GPHN: variants seen among roughly 807,000 people sequenced by gnomAD.
The protein encoded by GPHN is gephyrin.
Under a neutral mutation model 95.5 loss-of-function variants are expected in GPHN, and 17 were observed. The observed-to-expected ratio is 0.18, with a 90% CI of 0.12 to 0.27. GPHN has a LOEUF of 0.27. GPHN is among the 10% of genes least tolerant of loss of function. The pLI is 1.00. For synonymous variants in GPHN, 320 were observed against 322.5 expected (o/e 0.99, Z 0.08); for missense variants, 660 against 978.1 (o/e 0.67, Z 4.34).
chr14:66,615,873 A>C (rs1051495127), intron 1 of GPHN, among the ~76,000 whole-genome samples: 1 of 151,712 alleles, frequency 6.6e-6, no homozygotes, highest in African/African-American at 2.4e-5. Context: ...TTAAGTCTTT[A>C]ATCCATCTTG....
the GPHN span, among the ~76,000 whole-genome samples, chr14:67,273,749 AGT>A: frequency 1.3e-5 from 2 of 152,226 alleles, no homozygotes; most frequent in Non-Finnish European, 2.9e-5. Flanking sequence ...ACAGTGTAAA[AGT>A]GTTCCTGTTT....
intron 8 of GPHN, among the ~76,000 whole-genome samples, chr14:66,933,507 G>T (rs1032123391): frequency 2.6e-5 from 4 of 152,142 alleles, no homozygotes; most frequent in Non-Finnish European, 4.4e-5. Context: ...CCCTCAGCTG[G>T]TCACAATCTG....
At chr14:66,928,111 G>T (rs1053382508) in intron 8 of GPHN, among the ~76,000 whole-genome samples, 4 of 152,088 alleles carry the variant, frequency 2.6e-5, no homozygotes, top group African/African-American at 4.8e-5. Context: ...AGTAGGATTG[G>T]TATCGGTTCT....
chr14:66,688,366 TGGAAAAAA>T (rs2067537782), intron 2 of GPHN, among the ~76,000 whole-genome samples: 1 of 152,174 alleles, frequency 6.6e-6, no homozygotes, highest in Admixed American at 6.6e-5. Context: ...GTAACATTTA[TGGAAAAAA>T]GTCTGCATGC....
the GPHN span, among the ~76,000 whole-genome samples, chr14:67,703,325 T>A: frequency 7.2e-5 from 11 of 152,372 alleles, no homozygotes; most frequent in East Asian, 1.5e-3. Context: ...AGTTTTATTT[T>A]AAAAATCTTT....
chr14:67,595,391 G>A, the GPHN span, among the ~76,000 whole-genome samples: 4 of 152,132 alleles, frequency 2.6e-5, no homozygotes, highest in African/African-American at 9.7e-5. Context: ...TCAAACCATC[G>A]TAAGTTGGGA....
At chr14:67,115,343 G>A (rs1049945335) in intron 16 of GPHN, among the ~76,000 whole-genome samples, 2 of 152,038 alleles carry the variant, frequency 1.3e-5, no homozygotes, top group African/African-American at 4.8e-5. Context: ...TATTTTCAGA[G>A]AGGGCAAAAG....
At chr14:67,674,536 G>A in the GPHN span, 1 of 1,510,622 alleles carries the variant, frequency 6.6e-7, no homozygotes, top group Non-Finnish European at 8.9e-7. Flanking sequence ...CGGGGCCCTG[G>A]GCCCTTTCCT....
chr14:67,363,768 G>A, the GPHN span, among the ~76,000 whole-genome samples: 1 of 152,148 alleles, frequency 6.6e-6, no homozygotes, highest in Non-Finnish European at 1.5e-5. Flanking sequence ...ATAGGCAGGT[G>A]CCAATTAATA....
the GPHN span, among the ~76,000 whole-genome samples, chr14:67,441,330 G>A: frequency 6.6e-6 from 1 of 152,148 alleles, no homozygotes. Flanking sequence ...GTGACAGACA[G>A]CAGAGGTAAA....
chr14:67,473,573 G>C, the GPHN span: 2 of 1,612,454 alleles, frequency 1.2e-6, no homozygotes, highest in Non-Finnish European at 1.7e-6. This position sits in a 1 kb window ranked among gnomAD's most constrained non-coding sequence, Gnocchi z 6.5. Context: ...CGTACTCCAG[G>C]GTGATGAGGC....
intron 1 of GPHN, among the ~76,000 whole-genome samples, chr14:66,571,715 G>A (rs1228277641): frequency 6.6e-6 from 1 of 152,114 alleles, no homozygotes; most frequent in Non-Finnish European, 1.5e-5. Context: ...GGAGGCTGAG[G>A]CAGGAGAATC....
chr14:66,986,543 C>T (rs909302375), intron 9 of GPHN, among the ~76,000 whole-genome samples: 7 of 152,098 alleles, frequency 4.6e-5, no homozygotes, highest in African/African-American at 7.2e-5. Flanking sequence ...AGTTATCACT[C>T]TTATGAAACA....
intron 2 of GPHN, among the ~76,000 whole-genome samples, chr14:66,709,974 A>G (rs1440140162): frequency 6.6e-6 from 1 of 152,086 alleles, no homozygotes; most frequent in East Asian, 1.9e-4. Context: ...ATGAGTGTCC[A>G]CTGCATTAGT....
intron 2 of GPHN, among the ~76,000 whole-genome samples, chr14:66,687,608 G>C (rs145631096): frequency 2.0e-5 from 3 of 150,182 alleles, no homozygotes; most frequent in African/African-American, 7.4e-5. Context: ...TCCTGCCTCA[G>C]CCTCTTGAGT....
the GPHN span, chr14:67,390,730 T>C: frequency 6.2e-7 from 1 of 1,612,916 alleles, no homozygotes; most frequent in East Asian, 2.2e-5. Context: ...CACCTTCCAG[T>C]TTTTCCTCTT....
At chr14:67,299,313 A>T in the GPHN span, among the ~76,000 whole-genome samples, 1 of 152,024 alleles carries the variant, frequency 6.6e-6, no homozygotes, top group Non-Finnish European at 1.5e-5. Flanking sequence ...CAAGGTGAAT[A>T]TTTTGGTAAA....
chr14:67,478,684 C>T, the GPHN span, among the ~76,000 whole-genome samples: 1 of 152,206 alleles, frequency 6.6e-6, no homozygotes, highest in South Asian at 2.1e-4. Context: ...AGATCTCTAC[C>T]TTGCTGTTTT....
the GPHN span, chr14:67,728,002 C>G: frequency 6.6e-6 from 1 of 152,304 alleles, no homozygotes; most frequent in African/African-American, 2.4e-5. Context: ...ACATGCTAGC[C>G]GCATGTGGAT....
Sources: allele counts gnomAD v4.1 joint callset (sites outside exome capture counted in the v4.1 genomes callset), GRCh38; gene constraint gnomAD v4.1.1; non-coding constraint Gnocchi (gnomAD v3.1); transcripts MANE v1.5; gene names NCBI Gene and HGNC (gene_info 2026-07-23, HGNC 2026-07-21).